Variants in NCAM1 observed in about 807,000 individuals in gnomAD.
The protein encoded by NCAM1 is neural cell adhesion molecule 1.
Under a neutral mutation model 109.8 loss-of-function variants are expected in NCAM1, and 14 were observed. The observed-to-expected ratio is 0.13, with a 90% CI of 0.08 to 0.20. NCAM1 has a LOEUF of 0.20. NCAM1 is among the 10% of genes least tolerant of loss of function. The pLI, the probability that NCAM1 is intolerant of heterozygous loss-of-function variation, is 1.00. For missense variants in NCAM1, 774 were observed against 1,109.9 expected (o/e 0.70, Z 4.30); for synonymous variants, 418 against 442.9 (o/e 0.94, Z 0.70).
intron 1 of NCAM1, among the ~76,000 whole-genome samples, chr11:113,035,740 T>C (rs576339499): frequency 6.6e-6 from 1 of 152,268 alleles, no homozygotes; most frequent in East Asian, 1.9e-4. Context: ...GTATGTTTGG[T>C]CCAAATAATT....
At chr11:113,236,675 C>A (rs138383035) in intron 14 of NCAM1, among the ~76,000 whole-genome samples, 471 of 152,354 alleles carry the variant, frequency 3.1e-3, no homozygotes, top group Non-Finnish European at 4.2e-3. Context: ...CCCGCCTCAC[C>A]TTCAGCCAGG....
intron 1 of NCAM1, among the ~76,000 whole-genome samples, chr11:113,199,825 C>A (rs1387616208): frequency 4.3e-5 from 3 of 70,338 alleles, no homozygotes; most frequent in African/African-American, 1.6e-4. Context: ...AAAAGAAACA[C>A]CCTTAAAAAA....
chr11:113,045,156 T>A (rs1555080585), intron 1 of NCAM1, among the ~76,000 whole-genome samples: 1 of 152,192 alleles, frequency 6.6e-6, no homozygotes, highest in Non-Finnish European at 1.5e-5. Context: ...AAGATACAAG[T>A]GTTTACAAGC....
In NCAM1 at chr11:113,181,434, G is replaced by A. The variant is rs184763158; in HGVS notation, c.53-20945G>A. Among the ~76,000 whole-genome samples, 501 of 152,284 alleles carry A rather than the reference G, an allele frequency of 3.3e-3. 3 individuals carry two copies. Among genetic ancestry groups the A allele is most frequent in the African/African-American group, 0.011 (472 of 41,560 alleles). On this transcript the variant is annotated intron_variant, in intron 1 of 19. Coordinates refer to ENST00000316851, the MANE Select transcript of NCAM1 (RefSeq NM_181351.5). ...TTAAGAAAGGGGTTTACCAAACACC[G>A]CTTGTTCTACTTATAAGTGGGAGCT...
chr11:113,248,662 G>A (rs531889558), intron 15 of NCAM1, among the ~76,000 whole-genome samples: 1 of 152,244 alleles, frequency 6.6e-6, no homozygotes, highest in Admixed American at 6.5e-5. Context: ...AAACTGCCTG[G>A]GATATGCATA....
At chr11:113,006,236 TA>T (rs113022046) in intron 1 of NCAM1, among the ~76,000 whole-genome samples, 3 of 152,296 alleles carry the variant, frequency 2.0e-5, no homozygotes, top group African/African-American at 7.2e-5. Context: ...TGCACATAAT[TA>T]AACTCATATT....
chr11:113,115,080 A>C (rs1315279025), intron 1 of NCAM1, among the ~76,000 whole-genome samples: 2 of 152,200 alleles, frequency 1.3e-5, no homozygotes, highest in East Asian at 3.8e-4. Flanking sequence ...GCCCCTGGAC[A>C]GTCAGCACCC....
intron 8 of NCAM1, among the ~76,000 whole-genome samples, chr11:113,218,022 T>C (rs1360474167): frequency 1.3e-5 from 2 of 152,224 alleles, no homozygotes; most frequent in African/African-American, 4.8e-5. Context: ...GAAATTCACC[T>C]TAGAAGTCTA....
At chr11:113,005,373 G>A (rs1555073140) in intron 1 of NCAM1, among the ~76,000 whole-genome samples, 1 of 152,184 alleles carries the variant, frequency 6.6e-6, no homozygotes, top group African/African-American at 2.4e-5. Context: ...TGGGTGACCA[G>A]CTAGACTTCT....
intron 1 of NCAM1, among the ~76,000 whole-genome samples, chr11:113,146,930 C>T (rs1942039716): frequency 6.6e-6 from 1 of 151,862 alleles, no homozygotes; most frequent in South Asian, 2.1e-4. Context: ...AAAGTGTCAA[C>T]CCTTTATCAC....
At chr11:113,019,593 G>A (rs1952323749) in intron 1 of NCAM1, among the ~76,000 whole-genome samples, 1 of 151,954 alleles carries the variant, frequency 6.6e-6, no homozygotes, top group Admixed American at 6.6e-5. Flanking sequence ...CTTTTACACT[G>A]TTCTTGGGCC....
chr11:113,191,064 C>A (rs1394148374), intron 1 of NCAM1, among the ~76,000 whole-genome samples: 1 of 152,170 alleles, frequency 6.6e-6, no homozygotes, highest in East Asian at 1.9e-4. Context: ...TTATCCAGAA[C>A]CCAAATTGGG....
intron 1 of NCAM1, among the ~76,000 whole-genome samples, chr11:113,175,825 G>C (rs1246641233): frequency 6.6e-6 from 1 of 152,024 alleles, no homozygotes. Context: ...AAAAATACAA[G>C]AGAGGAGAAA....
In NCAM1 at chr11:113,277,057, C is replaced by T. The variant is rs536093756; in HGVS notation, c.*1670C>T. ...ATTCAGGAAACAAAAATCACTCAAA[C>T]GGAATCGAAGCCTTTTAACAAAGAA... On this transcript the variant is annotated 3_prime_UTR_variant, in exon 20 of 20. Transcript: ENST00000316851. 49 of 314,938 alleles carry T rather than the reference C, an allele frequency of 1.6e-4. No individual in the cohort carries two copies. Among genetic ancestry groups the T allele is most frequent in the Admixed American group, 1.4e-3 (29 of 20,096 alleles). The allele number at this position is 314,938 out of a possible 1,614,324, so 19.5% of individuals were successfully genotyped here. A position where few individuals can be genotyped will look rare whatever the true frequency, so the allele number is the denominator to read the frequency against.
intron 1 of NCAM1, among the ~76,000 whole-genome samples, chr11:112,996,331 A>G (rs1304390829): frequency 2.6e-5 from 4 of 152,194 alleles, no homozygotes; most frequent in African/African-American, 9.7e-5. Flanking sequence ...CTTTCAGTAT[A>G]CAATCACAGT....
rs1950641056 is a variant in NCAM1 at position 112,963,749 on chromosome 11, G to A, written c.52+2085G>A. ...TGGTGGGCCTTTTGGGGGATCGCCT[G>A]GCGGTCCTTTCCATCATCGTGATGG... On this transcript the variant is annotated intron_variant, in intron 1 of 19. Coordinates refer to ENST00000316851, the MANE Select transcript of NCAM1 (RefSeq NM_181351.5). The surrounding 1 kb of genome is among the most constrained non-coding windows in gnomAD (Gnocchi z 4.6). 6.6e-6 allele frequency among the ~76,000 whole-genome samples: 1 copy of A among 152,218 alleles called. No individual in the cohort carries two copies. Among genetic ancestry groups the A allele is most frequent in the Admixed American group, 6.5e-5 (1 of 15,290 alleles).
In NCAM1 at chr11:113,275,280, G is replaced by T; in HGVS notation, c.2470G>T (p.Glu824Ter). The change falls in exon 20 of 20, where the codon GAA becomes TAA. Residue 824 changes from glutamate to a stop codon, truncating the protein, a stop_gained. Transcript: ENST00000316851. LOFTEE classifies it high-confidence loss of function. ...GATTCTCTGCAGGAAGGGCCCCGTA[G>T]AAGCAAAGCCAGAGTGCCAGGAGAC... ...PLTEPEKGPVEAKPECQETET... is the reference protein window; with the variant it reads ...PLTEPEKGPV 1 of 1,613,812 alleles carries T rather than the reference G, an allele frequency of 6.2e-7. No individual in the cohort carries two copies. The highest frequency in any genetic ancestry group is 8.5e-7 in the Non-Finnish European group (1 of 1,179,834).
At chr11:113,250,429 A>C (rs1207419695) in intron 15 of NCAM1, among the ~76,000 whole-genome samples, 2 of 152,236 alleles carry the variant, frequency 1.3e-5, no homozygotes, top group Non-Finnish European at 2.9e-5. Context: ...TCCCCTAAGG[A>C]CCAGCCACAT....
intron 1 of NCAM1, among the ~76,000 whole-genome samples, chr11:113,164,155 G>A (rs530964680): frequency 1.3e-5 from 2 of 152,230 alleles, no homozygotes; most frequent in South Asian, 4.2e-4. Context: ...AGGACTCCAT[G>A]GGGGTACATG....
Sources: allele counts gnomAD v4.1 joint callset (sites outside exome capture counted in the v4.1 genomes callset), GRCh38; gene constraint gnomAD v4.1.1; non-coding constraint Gnocchi (gnomAD v3.1); transcripts MANE v1.5; gene names NCBI Gene and HGNC (gene_info 2026-07-23, HGNC 2026-07-21).